The following EPGN variants were observed in gnomAD, a reference collection of about 807,000 sequenced individuals.
EPGN encodes the protein epigen.
Under a neutral mutation model 20.7 loss-of-function variants are expected in EPGN, and 21 were observed. The observed-to-expected ratio is 1.01, with a 90% CI of 0.72 to 1.46. EPGN has a LOEUF of 1.46. EPGN is among the 40% of genes most tolerant of loss of function. The pLI is 0.00. For synonymous variants in EPGN, 69 were observed against 63.8 expected (o/e 1.08, Z -0.39); for missense variants, 199 against 180.7 (o/e 1.10, Z -0.58).
chr4:74,309,307 T>C, intron 2 of EPGN, 125 bp downstream of exon 2: 2 of 637,226 alleles, frequency 3.1e-6, no homozygotes, highest in Non-Finnish European at 5.1e-6. Flanking sequence ...ATCAGCTCTT[T>C]TAGCAGGATG....
In EPGN at chr4:74,309,092, G is replaced by A. The variant is rs750202285; in HGVS notation, c.44-1G>A. ...AAGATGCTTTTGCCCCCTTAATACAGCAATGACAGCACTGACCGAAGAGGC... is the reference window on the plus strand; with the variant it reads ...AAGATGCTTTTGCCCCCTTAATACAACAATGACAGCACTGACCGAAGAGGC... On this transcript the variant is annotated splice_acceptor_variant, in intron 1 of 4. Transcript: ENST00000413830. LOFTEE classifies it high-confidence loss of function. 121 of 1,611,286 alleles carry A rather than the reference G, an allele frequency of 7.5e-5. No individual in the cohort carries two copies. Among genetic ancestry groups the A allele is most frequent in the Non-Finnish European group, 9.7e-5 (114 of 1,178,340 alleles).
intron 4 of EPGN, chr4:74,314,212 C>A (rs537739520): frequency 1.0e-5 from 5 of 478,428 alleles, no homozygotes; most frequent in African/African-American, 7.8e-5. Context: ...AAGTGTAGCC[C>A]CAGCCTGATT....
chr4:74,309,257 C>A, intron 2 of EPGN, 75 bp downstream of exon 2: 4 of 1,086,236 alleles, frequency 3.7e-6, no homozygotes, highest in Non-Finnish European at 5.4e-6. Flanking sequence ...GTGATAAAAG[C>A]AATATTGGCC....
chr4:74,312,386 C>A, intron 3 of EPGN, 81 bp downstream of exon 3: 1 of 1,456,142 alleles, frequency 6.9e-7, no homozygotes, highest in Non-Finnish European at 9.1e-7. Flanking sequence ...CATTTCCACA[C>A]TTTTCTCTCT....
intron 4 of EPGN, chr4:74,313,693 A>G (rs1159940991): frequency 8.2e-6 from 7 of 855,852 alleles, no homozygotes; most frequent in Middle Eastern, 1.2e-3. Context: ...GATAATCACA[A>G]ATAATTGTAA....
intron 4 of EPGN, 164 bp from the exon 5 acceptor site, chr4:74,314,416 T>G: frequency 1.5e-6 from 1 of 661,686 alleles, no homozygotes; most frequent in Non-Finnish European, 2.6e-6. Flanking sequence ...ACTGCTGCCA[T>G]GAGCCTGTTA....
chr4:74,309,266 C>T (rs1176170990), intron 2 of EPGN, 84 bp downstream of exon 2: 4 of 983,936 alleles, frequency 4.1e-6, no homozygotes, highest in Non-Finnish European at 4.5e-6. Flanking sequence ...GCAATATTGG[C>T]CATTTTTAAT....
chr4:74,316,638 C>T lies in EPGN; in HGVS notation c.*2001C>T, dbSNP rs1397133909. 6.6e-6 allele frequency among the ~76,000 whole-genome samples: 1 copy of T among 152,160 alleles called. No individual in the cohort carries two copies. The highest frequency in any genetic ancestry group is 1.5e-5 in the Non-Finnish European group (1 of 68,030). Reference sequence around the variant, plus strand: ...CCAAGGAGTGGAGAGTTGAAGTTTCCTCCCAGTGACTCCAGTGACAGACCA... The same window carrying T: ...CCAAGGAGTGGAGAGTTGAAGTTTCTTCCCAGTGACTCCAGTGACAGACCA... On this transcript the variant is annotated 3_prime_UTR_variant, in exon 5 of 5. Transcript: ENST00000413830.
chr4:74,314,016 T>C, intron 4 of EPGN: 1 of 424,166 alleles, frequency 2.4e-6, no homozygotes. Flanking sequence ...GAGGTAAGAC[T>C]TTTCCACATT....
chr4:74,315,766 A>G lies in EPGN; in HGVS notation c.*1129A>G, dbSNP rs183268686. On this transcript the variant is annotated 3_prime_UTR_variant, in exon 5 of 5. Coordinates refer to ENST00000413830, the MANE Select transcript of EPGN (RefSeq NM_001270989.2). ...CAGGAGTTTGAGACCAGCCTGGCCA[A>G]CATGGTGAAACCCTGTCTCTACTAA... Among the ~76,000 whole-genome samples the G allele has an allele frequency of 2.0e-5, 3 of 152,206 alleles. No homozygotes were observed. In the East Asian group the frequency reaches 5.8e-4, roughly 29 times the overall value.
At chr4:74,311,336 G>A (rs546452097) in intron 2 of EPGN, among the ~76,000 whole-genome samples, 6 of 152,094 alleles carry the variant, frequency 3.9e-5, no homozygotes, top group East Asian at 1.9e-4. Context: ...CAAAATGAAC[G>A]TGAATTAGAA....
rs1751203500 is a variant in EPGN, at chr4:74,314,971, T to C, written c.*334T>C. The C allele has an allele frequency of 1.0e-5, 3 of 290,764 alleles. No individual in the cohort carries two copies. The South Asian group carries it at 1.5e-4, about 14-fold the overall frequency. The allele number at this position is 290,764 out of a possible 1,614,324, so 18.0% of individuals were successfully genotyped here. On this transcript the variant is annotated 3_prime_UTR_variant, in exon 5 of 5. Coordinates refer to ENST00000413830, the MANE Select transcript of EPGN (RefSeq NM_001270989.2). ...TGTCAGATGTGAATTTTCATGGGAA[T>C]AATAATCAACCTTGCAGCAAGCCAA...
intron 2 of EPGN, among the ~76,000 whole-genome samples, chr4:74,309,572 T>A (rs1222661042): frequency 7.2e-6 from 1 of 139,834 alleles, no homozygotes; most frequent in African/African-American, 3.3e-5. Context: ...AAAGACATTA[T>A]GGCTACAAGA....
rs1188625633 is a variant in EPGN at position 74,315,741 on chromosome 4, C to A, written c.*1104C>A. Among the ~76,000 whole-genome samples, 2 of 151,972 alleles carry A rather than the reference C, an allele frequency of 1.3e-5. No homozygotes were observed. The highest frequency in any genetic ancestry group is 4.8e-5 in the African/African-American group (2 of 41,364). ...CCGAGGCGGATGGAGCACCTGAGGT[C>A]AGGAGTTTGAGACCAGCCTGGCCAA... On this transcript the variant is annotated 3_prime_UTR_variant, in exon 5 of 5. Coordinates refer to ENST00000413830, the MANE Select transcript of EPGN (RefSeq NM_001270989.2).
At chr4:74,309,772 C>T (rs1456643559) in intron 2 of EPGN, among the ~76,000 whole-genome samples, 1 of 152,126 alleles carries the variant, frequency 6.6e-6, no homozygotes, top group Non-Finnish European at 1.5e-5. Flanking sequence ...TGAGCATCAG[C>T]GTTCTTTCTC....
rs1751183220 is a variant in EPGN at position 74,314,671 on chromosome 4, T to C, written c.*34T>C. ...TGAAGAATTTTCATCAAGGCATCTGTAGAGATCAGTGAGCCCAAAATTAAA... is the reference window on the plus strand; with the variant it reads ...TGAAGAATTTTCATCAAGGCATCTGCAGAGATCAGTGAGCCCAAAATTAAA... On this transcript the variant is annotated 3_prime_UTR_variant, in exon 5 of 5. Coordinates refer to ENST00000413830, the MANE Select transcript of EPGN (RefSeq NM_001270989.2). 2 of 1,527,310 alleles carry C rather than the reference T, an allele frequency of 1.3e-6. No individual in the cohort carries two copies. The highest frequency in any genetic ancestry group is 1.8e-6 in the Non-Finnish European group (2 of 1,139,788). 94.6% of individuals were successfully genotyped at this position (1,527,310 alleles called of 1,614,324 possible). A position where few individuals can be genotyped will look rare whatever the true frequency, so the allele number is the denominator to read the frequency against.
intron 4 of EPGN, chr4:74,314,362 C>A: frequency 1.7e-6 from 1 of 593,328 alleles, no homozygotes. Flanking sequence ...CCAGCAATCT[C>A]CTGGCAGGGC....
intron 2 of EPGN, among the ~76,000 whole-genome samples, chr4:74,309,820 C>A (rs1052582968): frequency 6.6e-6 from 1 of 152,088 alleles, no homozygotes; most frequent in African/African-American, 2.4e-5. Flanking sequence ...ACTTGGAAAG[C>A]TTGTTGCTTA....
chr4:74,311,485 C>A (rs911175121), intron 2 of EPGN, among the ~76,000 whole-genome samples: 1 of 152,018 alleles, frequency 6.6e-6, no homozygotes, highest in African/African-American at 2.4e-5. Context: ...AAGTAAGATT[C>A]TCTTAATCTT....
Sources: allele counts gnomAD v4.1 joint callset (sites outside exome capture counted in the v4.1 genomes callset), GRCh38; gene constraint gnomAD v4.1.1; transcripts MANE v1.5; gene names NCBI Gene and HGNC (gene_info 2026-07-23, HGNC 2026-07-21).